Variants in RIMS2 observed in about 807,000 individuals in gnomAD.
RIMS2 encodes the protein regulating synaptic membrane exocytosis 2.
RIMS2 carries 59 observed loss-of-function variants against 174.4 expected under a neutral mutation model. That is an observed-to-expected ratio of 0.34 (90% confidence interval 0.27 to 0.42). The LOEUF (loss-of-function observed/expected upper bound fraction) is 0.42, where lower values mean the gene tolerates loss of function less well. Ranked by LOEUF, RIMS2 falls within the 10% of genes least tolerant of loss-of-function variation. The pLI is 1.00. For synonymous variants in RIMS2, 606 were observed against 572.5 expected, an observed-to-expected ratio of 1.06 and a Z score of -0.84; for missense variants, 1,620 against 1,666.3, an observed-to-expected ratio of 0.97 and a Z score of 0.48.
intron 1 of RIMS2, among the ~76,000 whole-genome samples, chr8:103,646,819 A>G (rs2096343771): frequency 1.3e-5 from 2 of 152,054 alleles, no homozygotes; most frequent in Admixed American, 1.3e-4. Flanking sequence ...TTTGAATAGC[A>G]TTTATTTTTT....
intron 18 of RIMS2, among the ~76,000 whole-genome samples, chr8:104,014,090 A>G (rs2095838353): frequency 2.6e-5 from 4 of 152,184 alleles, no homozygotes; most frequent in Admixed American, 2.6e-4. Flanking sequence ...AATGTTTTCT[A>G]ATAAAGGGAT....
intron 19 of RIMS2, among the ~76,000 whole-genome samples, chr8:104,143,985 C>G (rs905177209): frequency 6.6e-6 from 1 of 152,154 alleles, no homozygotes; most frequent in Non-Finnish European, 1.5e-5. Context: ...TCATTCAAAC[C>G]TATAAATGAA....
At chr8:103,796,240 G>C (rs1480905724) in intron 3 of RIMS2, among the ~76,000 whole-genome samples, 2 of 152,016 alleles carry the variant, frequency 1.3e-5, no homozygotes, top group African/African-American at 4.8e-5. Context: ...AACTTTTGAT[G>C]CTTTCTCATT....
At chr8:104,249,775 G>A (rs943554115) in intron 22 of RIMS2, among the ~76,000 whole-genome samples, 187 bp downstream of exon 28, 8 of 152,132 alleles carry the variant, frequency 5.3e-5, no homozygotes, top group Admixed American at 1.3e-4. Context: ...AGGATGATCC[G>A]GTGGGGATAA....
chr8:104,177,520 A>T (rs551262484), intron 19 of RIMS2, among the ~76,000 whole-genome samples: 107 of 152,270 alleles, frequency 7.0e-4, no homozygotes, highest in African/African-American at 2.5e-3. Context: ...CTACTGAAAA[A>T]TTTTCATAAC....
chr8:103,920,868 A>G (rs889732661), intron 9 of RIMS2: 11 of 344,898 alleles, frequency 3.2e-5, no homozygotes, highest in African/African-American at 2.0e-4. Context: ...ACGTGGTGGC[A>G]GGCGCCTGTA....
intron 19 of RIMS2, among the ~76,000 whole-genome samples, chr8:104,038,539 C>T (rs1016409045): frequency 6.6e-6 from 1 of 151,804 alleles, no homozygotes; most frequent in Admixed American, 6.6e-5. Context: ...ATTAACTGCA[C>T]TAAAAAGTAG....
chr8:103,863,971 C>T (rs2099072628), intron 3 of RIMS2, among the ~76,000 whole-genome samples: 1 of 150,302 alleles, frequency 6.7e-6, no homozygotes, highest in African/African-American at 2.5e-5. Context: ...TGCGGTGGCG[C>T]GACCTTGGCT....
chr8:103,609,190 T>G (rs527301854), intron 1 of RIMS2, among the ~76,000 whole-genome samples: 34 of 152,148 alleles, frequency 2.2e-4, no homozygotes, highest in Non-Finnish European at 4.3e-4. Context: ...TTTACCCACT[T>G]TTTAATGGAA....
intron 1 of RIMS2, among the ~76,000 whole-genome samples, chr8:103,545,994 C>G (rs1844870527): frequency 6.6e-6 from 1 of 152,136 alleles, no homozygotes; most frequent in Non-Finnish European, 1.5e-5. Flanking sequence ...TAATAACCAG[C>G]TCACTACACA....
chr8:103,938,471 C>T (rs1377736968), intron 13 of RIMS2, among the ~76,000 whole-genome samples: 1 of 152,086 alleles, frequency 6.6e-6, no homozygotes, highest in Non-Finnish European at 1.5e-5. Flanking sequence ...TGATTACCTC[C>T]CACTGGGTCC....
intron 19 of RIMS2, among the ~76,000 whole-genome samples, chr8:104,131,448 G>T: frequency 6.6e-6 from 1 of 152,018 alleles, no homozygotes; most frequent in Non-Finnish European, 1.5e-5. Flanking sequence ...ATATATGAAT[G>T]CATGCATGTG....
chr8:104,002,585 A>C (rs1325150093), intron 17 of RIMS2, among the ~76,000 whole-genome samples: 1 of 152,176 alleles, frequency 6.6e-6, no homozygotes, highest in African/African-American at 2.4e-5. Context: ...TCAAGGTAGC[A>C]TATACTTTCA....
At chr8:104,211,635 G>A (rs2137742366) in intron 19 of RIMS2, among the ~76,000 whole-genome samples, 1 of 151,468 alleles carries the variant, frequency 6.6e-6, no homozygotes, top group East Asian at 1.9e-4. Context: ...CACAATCTTG[G>A]CTCACTGCAA....
intron 3 of RIMS2, among the ~76,000 whole-genome samples, chr8:103,811,711 T>C (rs2098688950): frequency 6.6e-6 from 1 of 152,176 alleles, no homozygotes; most frequent in Admixed American, 6.5e-5. Flanking sequence ...CTCCCAGAGT[T>C]CTAGGATTAC....
chr8:104,058,269 T>C (rs1302490749), intron 19 of RIMS2, among the ~76,000 whole-genome samples: 4 of 149,232 alleles, frequency 2.7e-5, no homozygotes, highest in Admixed American at 1.3e-4. Context: ...TTCTAACTGG[T>C]GTGAGATGGT....
intron 19 of RIMS2, among the ~76,000 whole-genome samples, chr8:104,019,538 C>G (rs941777408): frequency 1.3e-5 from 2 of 151,994 alleles, no homozygotes; most frequent in African/African-American, 4.8e-5. Flanking sequence ...CTGAAAACAT[C>G]TCTTAAGCTA....
intron 1 of RIMS2, among the ~76,000 whole-genome samples, chr8:103,587,720 G>A (rs1219244783): frequency 6.6e-6 from 1 of 151,918 alleles, no homozygotes; most frequent in African/African-American, 2.4e-5. Flanking sequence ...ATTTCATAAT[G>A]AAAAATCCTC....
chr8:104,180,478 T>A (rs772639724), intron 19 of RIMS2, among the ~76,000 whole-genome samples: 4 of 151,594 alleles, frequency 2.6e-5, no homozygotes, highest in Admixed American at 6.6e-5. Flanking sequence ...AGAAAAGATA[T>A]TGCATTTGTT....
Sources: allele counts gnomAD v4.1 joint callset (sites outside exome capture counted in the v4.1 genomes callset), GRCh38; gene constraint gnomAD v4.1.1; transcripts MANE v1.5; gene names NCBI Gene and HGNC (gene_info 2026-07-23, HGNC 2026-07-21).